MGAT5: variants seen among roughly 807,000 people sequenced by gnomAD.
The protein encoded by MGAT5 is alpha-1,6-mannosylglycoprotein 6-beta-N-acetylglucosaminyltransferase A.
A neutral mutation model predicts 94.3 loss-of-function variants in MGAT5; 30 were observed. The ratio of observed to expected loss-of-function variants is 0.32; its 90% CI spans 0.24 to 0.43. The LOEUF is 0.43. MGAT5 is among the 20% of genes least tolerant of loss of function. The probability of loss-of-function intolerance (pLI) is 1.00; values close to 1 mark genes in which losing one functional copy is unlikely to be tolerated. For missense variants in MGAT5, 691 were observed against 905.5 expected (o/e 0.76, Z 3.04); for synonymous variants, 310 against 322.9 (o/e 0.96, Z 0.43).
chr2:134,163,928 C>T (rs1003381399), intron 1 of MGAT5, among the ~76,000 whole-genome samples: 6 of 152,098 alleles, frequency 3.9e-5, no homozygotes, highest in African/African-American at 9.7e-5. Flanking sequence ...GTCCTGGGTG[C>T]GGAATTCAGT....
chr2:134,355,202 A>G (rs1312289699), intron 9 of MGAT5, among the ~76,000 whole-genome samples: 2 of 152,222 alleles, frequency 1.3e-5, no homozygotes, highest in African/African-American at 4.8e-5. Context: ...AATTACAAAA[A>G]CAGGGAAAGA....
At chr2:134,398,774 A>G (rs1004033755) in intron 10 of MGAT5, among the ~76,000 whole-genome samples, 5 of 152,230 alleles carry the variant, frequency 3.3e-5, no homozygotes, top group Admixed American at 2.6e-4. Flanking sequence ...GTTTGCAGCA[A>G]TATGGATGGA....
At chr2:134,446,521 T>C (rs1348890757) in intron 15 of MGAT5, among the ~76,000 whole-genome samples, 1 of 152,094 alleles carries the variant, frequency 6.6e-6, no homozygotes, top group Non-Finnish European at 1.5e-5. Flanking sequence ...GTTCCAGATA[T>C]TTTTCTCTCT....
At chr2:134,235,616 A>G (rs1052764737) in intron 1 of MGAT5, among the ~76,000 whole-genome samples, 3 of 152,082 alleles carry the variant, frequency 2.0e-5, no homozygotes, top group African/African-American at 7.2e-5. Context: ...AAAAAAATGA[A>G]TATCCAAATG....
chr2:134,188,649 G>A (rs1296886536), intron 1 of MGAT5, among the ~76,000 whole-genome samples: 1 of 152,180 alleles, frequency 6.6e-6, no homozygotes, highest in African/African-American at 2.4e-5. Flanking sequence ...TGTAGCACTT[G>A]AATTAACTGG....
chr2:134,449,090 T>A lies in MGAT5; in HGVS notation c.*243T>A. 1 of 547,736 alleles carries A rather than the reference T, an allele frequency of 1.8e-6. No individual in the cohort carries two copies. The highest frequency in any genetic ancestry group is 3.1e-5 in the East Asian group (1 of 32,138). 33.9% of individuals were successfully genotyped at this position (547,736 alleles called of 1,614,324 possible). A position where few individuals can be genotyped will look rare whatever the true frequency, so the allele number is the denominator to read the frequency against. ...CTTGTCCCTGGCACAACATCATTTC[T>A]GTTTCTCAAGGAGCAACTGTGGGAA... is the stretch of plus-strand genomic sequence containing the variant. On this transcript the variant is annotated 3_prime_UTR_variant, in exon 16 of 16. Transcript: ENST00000281923.
intron 10 of MGAT5, among the ~76,000 whole-genome samples, chr2:134,378,322 G>A (rs1053201189): frequency 3.3e-5 from 5 of 152,216 alleles, no homozygotes; most frequent in African/African-American, 1.2e-4. Flanking sequence ...TGACTGGGAG[G>A]CAGAGCCCAT....
chr2:134,235,746 G>A (rs1423151622), intron 1 of MGAT5, among the ~76,000 whole-genome samples: 3 of 146,566 alleles, frequency 2.0e-5, no homozygotes, highest in Non-Finnish European at 3.0e-5. Flanking sequence ...TTTTTGCATG[G>A]AGTGATTATA....
chr2:134,338,168 C>T (rs1688436335), intron 5 of MGAT5, 91 bp from the exon 6 acceptor site: 7 of 1,076,908 alleles, frequency 6.5e-6, no homozygotes, highest in Non-Finnish European at 9.3e-6. Context: ...AATTGACTAA[C>T]CCTTTTAAGT....
At chr2:134,312,087 T>C (rs948993352) in intron 2 of MGAT5, among the ~76,000 whole-genome samples, 1 of 152,098 alleles carries the variant, frequency 6.6e-6, no homozygotes, top group African/African-American at 2.4e-5. Flanking sequence ...ACATTTCTAC[T>C]AAAAATGCAA....
chr2:134,148,994 A>G (rs970914338), intron 1 of MGAT5, among the ~76,000 whole-genome samples: 1 of 151,934 alleles, frequency 6.6e-6, no homozygotes, highest in African/African-American at 2.4e-5. Flanking sequence ...GGAACTCCTG[A>G]CTTCAGGTGA....
At chr2:134,180,958 A>T (rs573772963) in intron 1 of MGAT5, among the ~76,000 whole-genome samples, 1 of 152,336 alleles carries the variant, frequency 6.6e-6, no homozygotes, top group South Asian at 2.1e-4. Flanking sequence ...TTTCTCAGCG[A>T]TACCCTGTCT....
At chr2:134,189,592 G>GTTTTTTCTTTTT (rs1689217198) in intron 1 of MGAT5, among the ~76,000 whole-genome samples, 1 of 56,316 alleles carries the variant, frequency 1.8e-5, no homozygotes, top group African/African-American at 6.2e-5. Context: ...CATGGCTCTA[G>GTTTTTTCTTTTT]TTTTTTTTTG....
At chr2:134,275,577 C>CTTTTTTTTTTTTTT (rs1684306448) in intron 2 of MGAT5, among the ~76,000 whole-genome samples, 1 of 117,540 alleles carries the variant, frequency 8.5e-6, no homozygotes, top group African/African-American at 4.0e-5. Context: ...GGTGCTATTT[C>CTTTTTTTTTTTTTT]CTTTTTTTTT....
At chr2:134,370,292 TTC>T (rs948618823) in intron 10 of MGAT5, among the ~76,000 whole-genome samples, 9 of 152,232 alleles carry the variant, frequency 5.9e-5, no homozygotes, top group African/African-American at 2.2e-4. Context: ...AACCTTGTCA[TTC>T]TGTTTTGTTC....
intron 1 of MGAT5, among the ~76,000 whole-genome samples, chr2:134,123,006 T>G (rs1384671616): frequency 6.6e-6 from 1 of 152,250 alleles, no homozygotes; most frequent in Non-Finnish European, 1.5e-5. Flanking sequence ...TTCCCACATC[T>G]GTATACATTC....
In MGAT5 at chr2:134,412,843, A is replaced by G. The variant is rs1427704050; in HGVS notation, c.1531-26A>G. 2.5e-6 allele frequency: 4 copies of G among 1,613,550 alleles called. No homozygotes were observed. The East Asian group carries it at 6.7e-5, about 27-fold the overall frequency. On this transcript the variant is annotated intron_variant, in intron 11 of 15. Transcript: ENST00000281923. Reference sequence around the variant, plus strand: ...TGATGGTCCTGCCTGATGTGTTCATACGCTGTGTGGTTTTCTGTCTTACAG... The same window carrying G: ...TGATGGTCCTGCCTGATGTGTTCATGCGCTGTGTGGTTTTCTGTCTTACAG...
At chr2:134,154,454 C>A (rs1687379881) in intron 1 of MGAT5, among the ~76,000 whole-genome samples, 1 of 152,210 alleles carries the variant, frequency 6.6e-6, no homozygotes, top group African/African-American at 2.4e-5. Context: ...CACAGGCAAG[C>A]CCCGTTTTGG....
chr2:134,135,469 G>A (rs889791432), intron 1 of MGAT5, among the ~76,000 whole-genome samples: 5 of 151,904 alleles, frequency 3.3e-5, no homozygotes, highest in African/African-American at 2.4e-5. Context: ...AGAGGCGGGC[G>A]GATCACGAGG....
Sources: allele counts gnomAD v4.1 joint callset (sites outside exome capture counted in the v4.1 genomes callset), GRCh38; gene constraint gnomAD v4.1.1; transcripts MANE v1.5; gene names NCBI Gene and HGNC (gene_info 2026-07-23, HGNC 2026-07-21).